Variants in TAFA2 observed in about 807,000 individuals in gnomAD.
TAFA2 encodes the protein TAFA chemokine like family member 2, also known as chemokine-like protein TAFA-2.
A neutral mutation model predicts 18.8 loss-of-function variants in TAFA2; 7 were observed. That is an observed-to-expected ratio of 0.37 (90% CI 0.21 to 0.70). The LOEUF is 0.70. Ranked by LOEUF, TAFA2 falls within the 30% of genes least tolerant of loss-of-function variation. The pLI, the probability that TAFA2 is intolerant of heterozygous loss-of-function variation, is 0.53. For synonymous variants in TAFA2, 60 were observed against 54.2 expected (o/e 1.11, Z -0.47); for missense variants, 122 against 158.1 (o/e 0.77, Z 1.23).
intron 1 of TAFA2, among the ~76,000 whole-genome samples, chr12:61,879,151 C>G (rs1169863360): frequency 6.6e-6 from 1 of 152,154 alleles, no homozygotes; most frequent in African/African-American, 2.4e-5. Context: ...CCAGCCTGGG[C>G]AACAGAGCCA....
At chr12:62,168,986 C>A (rs1454919770) in intron 1 of TAFA2, among the ~76,000 whole-genome samples, 1 of 145,130 alleles carries the variant, frequency 6.9e-6, no homozygotes, top group Non-Finnish European at 1.5e-5. Flanking sequence ...TTTTAAAACC[C>A]CATATATGTA....
At chr12:61,716,676 A>G (rs1314210077) in intron 4 of TAFA2, among the ~76,000 whole-genome samples, 1 of 152,216 alleles carries the variant, frequency 6.6e-6, no homozygotes, top group African/African-American at 2.4e-5. Context: ...TGCATTATGA[A>G]CAATAGAAGT....
At chr12:61,874,106 A>G (rs904255542) in intron 1 of TAFA2, among the ~76,000 whole-genome samples, 4 of 152,178 alleles carry the variant, frequency 2.6e-5, no homozygotes, top group Non-Finnish European at 5.9e-5. Flanking sequence ...TTTAAGCCAC[A>G]TTCACTAGGC....
chr12:61,931,144 A>G (rs1350623526), intron 1 of TAFA2, among the ~76,000 whole-genome samples: 3 of 152,216 alleles, frequency 2.0e-5, no homozygotes, highest in Non-Finnish European at 4.4e-5. Flanking sequence ...AGTTTTTCAT[A>G]AGGTATTCTG....
At chr12:61,925,451 T>C (rs1035053925) in intron 1 of TAFA2, among the ~76,000 whole-genome samples, 22 of 152,198 alleles carry the variant, frequency 1.4e-4, no homozygotes, top group Non-Finnish European at 5.9e-5. Flanking sequence ...ACTGCACAAC[T>C]ACTTGGAAAC....
rs1474930139 is a variant in TAFA2 at position 61,724,749 on chromosome 12, C to CTGTG, written c.385-14333_385-14332insCACA. On this transcript the variant is annotated intron_variant, in intron 4 of 4. Transcript: ENST00000416284. ...GGCTGAGTAGTATTCCATGGTATGT[C>CTGTG]TATGTGTGTGTGTGTGTGTGTGTGT... 4.1e-5 allele frequency among the ~76,000 whole-genome samples: 4 copies of CTGTG among 96,388 alleles called. No homozygotes were observed. In the Admixed American group the frequency reaches 4.6e-4, roughly 11 times the overall value. 63.2% of individuals were successfully genotyped at this position (96,388 alleles called of 152,430 possible). A position where few individuals can be genotyped will look rare whatever the true frequency, so the allele number is the denominator to read the frequency against.
intron 2 of TAFA2, among the ~76,000 whole-genome samples, chr12:61,791,218 A>G (rs1259106258): frequency 6.6e-6 from 1 of 151,954 alleles, no homozygotes; most frequent in Admixed American, 6.6e-5. Flanking sequence ...AATGGATTAA[A>G]GACTTAAATA....
intron 4 of TAFA2, among the ~76,000 whole-genome samples, chr12:61,739,307 T>G (rs1393772861): frequency 6.6e-6 from 1 of 151,950 alleles, no homozygotes; most frequent in Non-Finnish European, 1.5e-5. Context: ...TTACCTCAAA[T>G]GGTTATGGTG....
At chr12:61,838,376 T>G (rs1318689967) in intron 2 of TAFA2, among the ~76,000 whole-genome samples, 1 of 151,960 alleles carries the variant, frequency 6.6e-6, no homozygotes, top group Non-Finnish European at 1.5e-5. Flanking sequence ...AATATGAGTT[T>G]CTGTAACTCT....
At chr12:61,923,605 G>A (rs1268482122) in intron 1 of TAFA2, among the ~76,000 whole-genome samples, 1 of 152,056 alleles carries the variant, frequency 6.6e-6, no homozygotes, top group Non-Finnish European at 1.5e-5. Flanking sequence ...AAAGACCAAA[G>A]GTAGATAAAT....
At chr12:61,910,475 CT>C (rs1876561894) in intron 1 of TAFA2, among the ~76,000 whole-genome samples, 1 of 152,112 alleles carries the variant, frequency 6.6e-6, no homozygotes, top group South Asian at 2.1e-4. Flanking sequence ...TTCTACCAGC[CT>C]CTCAATTCAG....
At chr12:61,816,872 G>A (rs1356219551) in intron 2 of TAFA2, among the ~76,000 whole-genome samples, 2 of 150,692 alleles carry the variant, frequency 1.3e-5, no homozygotes, top group Non-Finnish European at 2.9e-5. Context: ...GGAGGACAAA[G>A]ATATTGTCTA....
chr12:62,230,903 T>C (rs2062809561), intron 1 of TAFA2, among the ~76,000 whole-genome samples: 1 of 152,216 alleles, frequency 6.6e-6, no homozygotes, highest in African/African-American at 2.4e-5. Flanking sequence ...CTTGAACTCC[T>C]GGGCTCAAGC....
chr12:62,029,577 A>G (rs1310912925), intron 1 of TAFA2, among the ~76,000 whole-genome samples: 1 of 151,978 alleles, frequency 6.6e-6, no homozygotes, highest in Non-Finnish European at 1.5e-5. Context: ...ATATGGCAGA[A>G]CATGCCATAA....
chr12:62,067,896 T>C (rs1235056400), intron 1 of TAFA2, among the ~76,000 whole-genome samples: 1 of 152,088 alleles, frequency 6.6e-6, no homozygotes, highest in African/African-American at 2.4e-5. Flanking sequence ...ATATTATTTG[T>C]TTACTGCATT....
intron 1 of TAFA2, among the ~76,000 whole-genome samples, chr12:62,225,648 A>C (rs1446836743): frequency 6.6e-6 from 1 of 152,210 alleles, no homozygotes; most frequent in Non-Finnish European, 1.5e-5. Flanking sequence ...TAAAGAAAAA[A>C]AATGGAAAAC....
chr12:62,032,675 T>TA (rs56738953), intron 1 of TAFA2, among the ~76,000 whole-genome samples: 19,010 of 151,878 alleles, frequency 0.13, 1,293 homozygotes, highest in Non-Finnish European at 0.14. Context: ...ATGCATTAAT[T>TA]AAAAAAAATC....
chr12:61,883,335 CAT>C lies in TAFA2; in HGVS notation c.-1-15911_-1-15910del, dbSNP rs761842879. Among the ~76,000 whole-genome samples, 6 of 152,354 alleles carry C rather than the reference CAT, an allele frequency of 3.9e-5. No individual in the cohort carries two copies. In the East Asian group the frequency reaches 5.8e-4, roughly 15 times the overall value. ...CAGAGTAAAGGCATTATTTACTACA[CAT>C]GTGTCATTGGAATATAGTAATTATT... On this transcript the variant is annotated intron_variant, in intron 1 of 4. Coordinates refer to ENST00000416284, the MANE Select transcript of TAFA2 (RefSeq NM_178539.5).
chr12:62,103,771 C>T (rs1869316994), intron 1 of TAFA2, among the ~76,000 whole-genome samples: 2 of 151,430 alleles, frequency 1.3e-5, no homozygotes, highest in African/African-American at 4.8e-5. Context: ...AGACTACATG[C>T]TTCCTCATAA....
Sources: gnomAD v4.1 joint callset for allele counts (sites outside exome capture counted in the v4.1 genomes callset) on GRCh38, gnomAD v4.1.1 for gene constraint, MANE v1.5 for transcripts, NCBI Gene and HGNC (gene_info 2026-07-23, HGNC 2026-07-21) for gene names.